NELFCD: variants seen among roughly 807,000 people sequenced by gnomAD.
NELFCD encodes the protein negative elongation factor C/D.
Under a neutral mutation model 72.9 loss-of-function variants are expected in NELFCD, and 48 were observed. That is an observed-to-expected ratio of 0.66 (90% CI 0.52 to 0.84). The LOEUF (loss-of-function observed/expected upper bound fraction) is 0.84, where lower values mean the gene tolerates loss of function less well. NELFCD is among the 40% of genes least tolerant of loss of function. NELFCD has a pLI of 0.00. For missense variants in NELFCD, 538 were observed against 723.8 expected (o/e 0.74, Z 2.94); for synonymous variants, 297 against 280.6 (o/e 1.06, Z -0.59).
chr20:58,988,952 G>C lies in NELFCD; in HGVS notation c.435G>C (p.Thr145=). 6.2e-7 allele frequency: 1 copy of C among 1,614,190 alleles called. No homozygotes were observed. Among genetic ancestry groups the C allele is most frequent in the Non-Finnish European group, 8.5e-7 (1 of 1,180,018 alleles). ...TGGAACAGATGATTGCACATACCAC[G>C]TGGCGGGACCTTTTTTATAAACTGG... ...AWLEQMIAHT[T]WRDLFYKLAE... is the part of the protein sequence containing the mutation. The change falls in exon 5 of 15, where the codon ACG becomes ACC. Residue 145 remains threonine (T), a synonymous_variant. Coordinates refer to ENST00000652272, the MANE Select transcript of NELFCD (RefSeq NM_198976.4).
At position 58,988,925 on chromosome 20, in the gene NELFCD, G is replaced by T; in HGVS notation, c.408G>T (p.Trp136Cys). The T allele has an allele frequency of 6.2e-7, 1 of 1,613,974 alleles. No homozygotes were observed. The highest frequency in any genetic ancestry group is 8.5e-7 in the Non-Finnish European group (1 of 1,179,842). Residue 136 changes from tryptophan (W) to cysteine (C), a missense_variant, in exon 5 of 15, where the codon TGG becomes TGT. Coordinates refer to ENST00000652272, the MANE Select transcript of NELFCD (RefSeq NM_198976.4). ...GTGTGTGTTGGCAGACCCCAGCGTGGCTGGAACAGATGATTGCACATACCA... is the reference window on the plus strand; with the variant it reads ...GTGTGTGTTGGCAGACCCCAGCGTGTCTGGAACAGATGATTGCACATACCA... ...IFTEEGETPA[W>C]LEQMIAHTTW...
chr20:58,982,451 C>T (rs1238146548), intron 1 of NELFCD, among the ~76,000 whole-genome samples: 1 of 152,136 alleles, frequency 6.6e-6, no homozygotes, highest in Non-Finnish European at 1.5e-5. Context: ...AGCCACTGCT[C>T]GTGGCCCAGG....
Position 58,993,693 on chromosome 20 carries a change from G to T in NELFCD, c.1510G>T (p.Val504Phe). ...GAGTCGAGGTTATGTACTTCCTGTT[G>T]TCAGTTACATCCGAAAGTGTCTGGA... ...LLSRGYVLPVVSYIRKCLEKL... is the reference protein window; with the variant it reads ...LLSRGYVLPVFSYIRKCLEKL... The change falls in exon 13 of 15, where the codon GTC (valine) becomes TTC (phenylalanine). Residue 504 changes from valine (V) to phenylalanine (F), a missense_variant. Physicochemically the swap from Val to Phe is conservative, Grantham distance 50. Around this residue, in one of 3 missense-constraint regions of NELFCD, gnomAD observed 136 missense variants for 154.0 expected, o/e 0.88. Coordinates refer to ENST00000652272, the MANE Select transcript of NELFCD (RefSeq NM_198976.4). This position sits in a 1 kb window ranked among gnomAD's most constrained non-coding sequence, Gnocchi z 5.0. 1 of 1,614,206 alleles carries T rather than the reference G, an allele frequency of 6.2e-7. No individual in the cohort carries two copies.
intron 1 of NELFCD, among the ~76,000 whole-genome samples, chr20:58,984,000 G>GT (rs1352314615): frequency 6.6e-6 from 1 of 152,108 alleles, no homozygotes. Context: ...CTTGGAAGAG[G>GT]TACAGAAAGT....
At chr20:58,984,109 G>A (rs1406414733) in intron 1 of NELFCD, among the ~76,000 whole-genome samples, 2 of 152,170 alleles carry the variant, frequency 1.3e-5, no homozygotes, top group African/African-American at 4.8e-5. Context: ...GTGGGAGGTA[G>A]GAAGATGTGT....
At chr20:58,994,063 C>G (rs1467596589) in intron 13 of NELFCD, 47 bp from the exon 14 acceptor site, 5 of 1,596,324 alleles carry the variant, frequency 3.1e-6, no homozygotes, top group African/African-American at 1.3e-5. Context: ...TCGGTGGATG[C>G]CCCGCACTAG....
At chr20:58,992,123 T>C (rs1377240762) in intron 10 of NELFCD, 103 bp downstream of exon 10, 7 of 1,209,130 alleles carry the variant, frequency 5.8e-6, no homozygotes, top group Non-Finnish European at 8.0e-6. Context: ...GCGATACTTG[T>C]TCATTTTATT....
chr20:58,986,745 T>C lies in NELFCD; in HGVS notation c.177-9T>C. 6.4e-7 allele frequency: 1 copy of C among 1,552,356 alleles called. No individual in the cohort carries two copies. Among genetic ancestry groups the C allele is most frequent in the Non-Finnish European group, 8.9e-7 (1 of 1,123,696 alleles). Reference sequence around the variant, plus strand: ...ATTCGGGTGTAATTGCTGTTGTTACTTTCCCTAGGTATTTTCAGGCAGGAG... The same window carrying C: ...ATTCGGGTGTAATTGCTGTTGTTACCTTCCCTAGGTATTTTCAGGCAGGAG... On this transcript the variant is annotated splice_polypyrimidine_tract_variant and intron_variant, in intron 2 of 14. Transcript: ENST00000652272. The surrounding 1 kb of genome is among the most constrained non-coding windows in gnomAD (Gnocchi z 4.4).
intron 14 of NELFCD, 80 bp from the exon 15 acceptor site, chr20:58,994,562 C>CA (rs374709307): frequency 0.074 from 61,052 of 828,546 alleles, 366 homozygotes; most frequent in African/African-American, 0.16. Flanking sequence ...AACTGCATCT[C>CA]AAAAAAAAAA....
chr20:58,994,606 C>T (rs1172549269), intron 14 of NELFCD, 36 bp from the exon 15 acceptor site: 1 of 1,503,998 alleles, frequency 6.6e-7, no homozygotes. Flanking sequence ...GTTCTACTTC[C>T]TGTTTCTAAC....
intron 1 of NELFCD, among the ~76,000 whole-genome samples, chr20:58,983,034 C>T (rs190871013): frequency 1.2e-4 from 18 of 151,802 alleles, no homozygotes; most frequent in South Asian, 2.1e-4. Flanking sequence ...GTTGCCACTT[C>T]GTCAAATTGC....
rs2146350935 is a variant in NELFCD, at chr20:58,987,602, A to G, written c.287-106A>G. The G allele has an allele frequency of 3.4e-6, 3 of 878,892 alleles. No homozygotes were observed. In the South Asian group the frequency reaches 4.7e-5, roughly 14 times the overall value. The allele number at this position is 878,892 out of a possible 1,614,324, so 54.4% of individuals were successfully genotyped here. A position where few individuals can be genotyped will look rare whatever the true frequency, so the allele number is the denominator to read the frequency against. On this transcript the variant is annotated intron_variant, in intron 3 of 14. Coordinates refer to ENST00000652272, the MANE Select transcript of NELFCD (RefSeq NM_198976.4). ...TTACATGTATAAGTGGTCAGAAGCAATTCTTTGGTATTTGATTCACATAGA... is the reference window on the plus strand; with the variant it reads ...TTACATGTATAAGTGGTCAGAAGCAGTTCTTTGGTATTTGATTCACATAGA...
Position 58,990,550 on chromosome 20 carries a change from A to C in NELFCD, c.789-360A>C, listed in dbSNP as rs114550414. 5.4e-3 allele frequency: 1,086 copies of C among 200,344 alleles called. 16 individuals are homozygous for C. Among genetic ancestry groups the C allele is most frequent in the African/African-American group, 0.024 (1,016 of 42,952 alleles). The allele number at this position is 200,344 out of a possible 1,614,324, so 12.4% of individuals were successfully genotyped here. ...ACTTGATTCGTCTTCCCTTTGCTGG[A>C]GTTATGGGCCTGGGCTTTTACACTG... On this transcript the variant is annotated intron_variant, in intron 7 of 14. Transcript: ENST00000652272.
At chr20:58,983,762 G>A (rs906573907) in intron 1 of NELFCD, among the ~76,000 whole-genome samples, 1 of 152,142 alleles carries the variant, frequency 6.6e-6, no homozygotes, top group Admixed American at 6.6e-5. Flanking sequence ...TGTTAGAACT[G>A]GGGCATATAA....
At chr20:58,994,288 G>A (rs758972175) in intron 14 of NELFCD, 49 bp downstream of exon 14, 8 of 1,594,592 alleles carry the variant, frequency 5.0e-6, no homozygotes, top group Non-Finnish European at 6.9e-6. Context: ...TGTCAGCTGG[G>A]CGCGGTGGCT....
At chr20:58,989,258 G>A in intron 5 of NELFCD, 1 of 627,356 alleles carries the variant, frequency 1.6e-6, no homozygotes, top group Admixed American at 2.9e-5. Flanking sequence ...GGTTGGAGAG[G>A]AGCTTTAGGC....
At position 58,981,356 on chromosome 20, in the gene NELFCD, C is replaced by G. The variant is rs775073640; in HGVS notation, c.47C>G (p.Ala16Gly). The part of the protein sequence containing the change: ...YGSAAEWGDE[A>G]DGGQQEDDSG... ...AGCGCGGCCGAGTGGGGCGACGAGG[C>G]TGACGGCGGCCAGGTGAGGCGGGGC... Residue 16 changes from alanine to glycine, a missense_variant, in exon 1 of 15, where the codon GCT becomes GGT. Ala to Gly is a moderately conservative substitution (Grantham distance 60). Coordinates refer to ENST00000652272, the MANE Select transcript of NELFCD (RefSeq NM_198976.4). 24 of 1,110,532 alleles carry G rather than the reference C, an allele frequency of 2.2e-5. No individual in the cohort carries two copies. Among genetic ancestry groups the G allele is most frequent in the Non-Finnish European group, 2.6e-5 (24 of 906,256 alleles). The allele number at this position is 1,110,532 out of a possible 1,614,324, so 68.8% of individuals were successfully genotyped here. A position where few individuals can be genotyped will look rare whatever the true frequency, so the allele number is the denominator to read the frequency against.
intron 10 of NELFCD, 132 bp from the exon 11 acceptor site, chr20:58,992,866 A>AAAAGG: frequency 1.8e-6 from 1 of 567,508 alleles, no homozygotes; most frequent in Non-Finnish European, 3.2e-6. Flanking sequence ...AAAAAAAAAA[A>AAAAGG]GGGTTGGGGG....
At position 58,994,214 on chromosome 20, in the gene NELFCD, G is replaced by A. The variant is rs1276095298; in HGVS notation, c.1686G>A (p.Glu562=). Reference sequence around the variant, plus strand: ...CAGGTACCATCAAAACGGAAGGCGAGCATGACCCTGTGACGGAGTTTATAG... The same window carrying A: ...CAGGTACCATCAAAACGGAAGGCGAACATGACCCTGTGACGGAGTTTATAG... ...SIAGTIKTEG[E]HDPVTEFIAH... The change falls in exon 14 of 15, where the codon GAG becomes GAA. Residue 562 remains glutamate, a synonymous_variant. Coordinates refer to ENST00000652272, the MANE Select transcript of NELFCD (RefSeq NM_198976.4). 6.2e-7 allele frequency: 1 copy of A among 1,614,168 alleles called. No homozygotes were observed. The highest frequency in any genetic ancestry group is 1.3e-5 in the African/African-American group (1 of 75,056).
Sources: allele counts gnomAD v4.1 joint callset (sites outside exome capture counted in the v4.1 genomes callset), GRCh38; gene constraint gnomAD v4.1.1; regional missense constraint gnomAD v4.1.1; non-coding constraint Gnocchi (gnomAD v3.1); transcripts MANE v1.5; gene names NCBI Gene and HGNC (gene_info 2026-07-23, HGNC 2026-07-21).